The following FHIT variants were observed in gnomAD, a reference collection of about 807,000 sequenced individuals.
FHIT encodes the protein fragile histidine triad diadenosine triphosphatase.
A neutral mutation model predicts 17.9 loss-of-function variants in FHIT; 19 were observed. The observed-to-expected ratio is 1.06, with a 90% CI of 0.74 to 1.56. The LOEUF is 1.56. FHIT is among the 40% of genes most tolerant of loss of function. The probability of loss-of-function intolerance (pLI) is 0.00; values close to 1 mark genes in which losing one functional copy is unlikely to be tolerated. For missense variants in FHIT, 248 were observed against 189.2 expected (o/e 1.31, Z -1.82); for synonymous variants, 81 against 69.7 (o/e 1.16, Z -0.81).
At chr3:60,344,928 C>A (rs1205299801) in intron 5 of FHIT, among the ~76,000 whole-genome samples, 1 of 152,030 alleles carries the variant, frequency 6.6e-6, no homozygotes, top group East Asian at 1.9e-4. Context: ...ATCATTTATA[C>A]CTCCACTATC....
intron 5 of FHIT, among the ~76,000 whole-genome samples, chr3:60,437,580 G>C (rs963685075): frequency 6.6e-6 from 1 of 151,982 alleles, no homozygotes; most frequent in African/African-American, 2.4e-5. Context: ...TTCCAGCAAT[G>C]ATCAACCCTA....
At chr3:59,910,243 T>C (rs1704804177) in intron 8 of FHIT, among the ~76,000 whole-genome samples, 1 of 152,184 alleles carries the variant, frequency 6.6e-6, no homozygotes, top group African/African-American at 2.4e-5. Context: ...AAGAAGACTC[T>C]AAGTGGGGAG....
intron 5 of FHIT, among the ~76,000 whole-genome samples, chr3:60,123,989 T>G (rs1408587646): frequency 1.2e-3 from 61 of 50,130 alleles, no homozygotes; most frequent in South Asian, 2.8e-3. Context: ...TATATATATA[T>G]ATATATATAT....
chr3:60,022,146 A>G (rs1700575772), intron 5 of FHIT, among the ~76,000 whole-genome samples: 3 of 152,224 alleles, frequency 2.0e-5, no homozygotes, highest in African/African-American at 4.8e-5. Context: ...AACCTTGAGC[A>G]TCATTTCCCA....
chr3:59,877,278 G>C (rs1051230981), intron 8 of FHIT, among the ~76,000 whole-genome samples: 3 of 152,108 alleles, frequency 2.0e-5, no homozygotes, highest in Non-Finnish European at 4.4e-5. Context: ...TACTTAACTG[G>C]TTCAGAATTG....
chr3:60,574,929 A>G (rs72885795), intron 4 of FHIT, among the ~76,000 whole-genome samples: 3,809 of 150,330 alleles, frequency 0.025, 175 homozygotes, highest in African/African-American at 0.087. Context: ...CCTTATTTAT[A>G]TGCTTGTCTC....
intron 5 of FHIT, among the ~76,000 whole-genome samples, chr3:60,177,724 C>A (rs964923421): frequency 2.0e-5 from 3 of 152,206 alleles, no homozygotes; most frequent in Non-Finnish European, 4.4e-5. Context: ...TATGCCAAAC[C>A]TAGTGATATG....
intron 5 of FHIT, among the ~76,000 whole-genome samples, chr3:60,206,143 AAAAAT>A (rs533482868): frequency 7.8e-6 from 1 of 128,182 alleles, no homozygotes; most frequent in African/African-American, 3.0e-5. Flanking sequence ...AAAAAAAAAA[AAAAAT>A]AAATAATAAT....
chr3:60,504,284 A>G (rs1449868709), intron 5 of FHIT, among the ~76,000 whole-genome samples: 1 of 151,960 alleles, frequency 6.6e-6, no homozygotes, highest in Non-Finnish European at 1.5e-5. Flanking sequence ...AAATACAAAA[A>G]TTAGCTGGGC....
intron 5 of FHIT, among the ~76,000 whole-genome samples, chr3:60,202,417 AT>A (rs1365721584): frequency 6.6e-6 from 1 of 152,130 alleles, no homozygotes; most frequent in Non-Finnish European, 1.5e-5. Flanking sequence ...TCCTAAGACA[AT>A]TCATAAAGAG....
At chr3:59,844,757 T>C (rs769618174) in intron 8 of FHIT, among the ~76,000 whole-genome samples, 1 of 152,198 alleles carries the variant, frequency 6.6e-6, no homozygotes, top group Non-Finnish European at 1.5e-5. Flanking sequence ...GCAATGTTTA[T>C]AAGGGATATT....
At chr3:61,056,516 G>A (rs1357529164) in intron 2 of FHIT, among the ~76,000 whole-genome samples, 5 of 152,174 alleles carry the variant, frequency 3.3e-5, no homozygotes, top group South Asian at 4.1e-4. Flanking sequence ...AGTAAGAAGC[G>A]AAGCTGATGA....
intron 5 of FHIT, among the ~76,000 whole-genome samples, chr3:60,259,088 C>T (rs926094648): frequency 4.0e-5 from 6 of 151,732 alleles, no homozygotes; most frequent in East Asian, 1.9e-4. Flanking sequence ...GATGTGGTTC[C>T]GAAAGATTTT....
At chr3:60,033,129 C>A (rs999145017) in intron 5 of FHIT, among the ~76,000 whole-genome samples, 3 of 149,218 alleles carry the variant, frequency 2.0e-5, no homozygotes, top group East Asian at 2.0e-4. Flanking sequence ...TCCAACCAAG[C>A]AATGATAAAA....
intron 1 of FHIT, among the ~76,000 whole-genome samples, chr3:61,204,827 T>A (rs1293279213): frequency 1.3e-5 from 2 of 152,120 alleles, no homozygotes; most frequent in Non-Finnish European, 2.9e-5. Context: ...TTTTTTAAAA[T>A]TTTATTATTA....
Position 60,482,855 on chromosome 3 carries a change from C to T in FHIT, c.103+54005G>A, listed in dbSNP as rs111868903. ...AGCAGAACTGAAGGAGATAGAGACA[C>T]AAAAAACCCTCCAAAAATAAAATAA... On this transcript the variant is annotated intron_variant, in intron 5 of 9. Transcript: ENST00000492590. Among the ~76,000 whole-genome samples the T allele has an allele frequency of 2.4e-3, 357 of 151,076 alleles. 2 individuals carry two copies. Among genetic ancestry groups the T allele is most frequent in the African/African-American group, 8.0e-3 (330 of 41,144 alleles).
chr3:60,184,412 C>G (rs935845300), intron 5 of FHIT, among the ~76,000 whole-genome samples: 4 of 151,976 alleles, frequency 2.6e-5, no homozygotes, highest in African/African-American at 9.7e-5. Flanking sequence ...TTCTTATGAC[C>G]TTAATAGTAC....
intron 8 of FHIT, among the ~76,000 whole-genome samples, chr3:59,850,647 C>T (rs1701897448): frequency 6.6e-6 from 1 of 152,142 alleles, no homozygotes; most frequent in South Asian, 2.1e-4. Flanking sequence ...CCCCAAGGAA[C>T]TTTATTTAAG....
intron 5 of FHIT, among the ~76,000 whole-genome samples, chr3:60,019,344 A>G (rs1275512898): frequency 1.3e-5 from 2 of 151,926 alleles, no homozygotes; most frequent in Non-Finnish European, 2.9e-5. Flanking sequence ...TTTAAAAATT[A>G]ACAGGGGCCC....
Sources: allele counts gnomAD v4.1 joint callset (sites outside exome capture counted in the v4.1 genomes callset), GRCh38; gene constraint gnomAD v4.1.1; transcripts MANE v1.5; gene names NCBI Gene and HGNC (gene_info 2026-07-23, HGNC 2026-07-21).